The following LYST variants were observed in gnomAD, a reference collection of about 807,000 sequenced individuals.
LYST encodes lysosomal trafficking regulator.
Under a neutral mutation model 413.6 loss-of-function variants are expected in LYST, and 192 were observed. That is an observed-to-expected ratio of 0.46 (90% CI 0.41 to 0.52). The LOEUF (loss-of-function observed/expected upper bound fraction) is 0.52. Ranked by LOEUF, LYST falls within the 20% of genes least tolerant of loss-of-function variation. The pLI is 0.00. For synonymous variants in LYST, 1,525 were observed against 1,567.3 expected (o/e 0.97, Z 0.64); for missense variants, 3,815 against 4,499.9 (o/e 0.85, Z 4.35).
intron 1 of LYST, among the ~76,000 whole-genome samples, chr1:235,861,937 C>A (rs907301363): frequency 6.6e-6 from 1 of 152,198 alleles, no homozygotes; most frequent in African/African-American, 2.4e-5. Context: ...AACAATTAGG[C>A]TAATCCCTGC....
Position 235,697,436 on chromosome 1 carries a change from G to A in LYST, c.10375-164C>T, listed in dbSNP as rs13374325. ...TTTTTTTTACTTCCCCATGCTTAGC[G>A]TATAGAAATATTTGTCCCTTATTTG... is the stretch of plus-strand genomic sequence containing the variant. On this transcript the variant is annotated intron_variant, in intron 45 of 52. Transcript: ENST00000389793. Among the ~76,000 whole-genome samples the A allele has an allele frequency of 0.024, 3,657 of 152,080 alleles. 141 individuals are homozygous for A. The highest frequency in any genetic ancestry group is 0.083 in the African/African-American group (3,444 of 41,470).
chr1:235,691,987 C>T (rs113703365), intron 47 of LYST, among the ~76,000 whole-genome samples: 11,458 of 150,834 alleles, frequency 0.076, 1,409 homozygotes, highest in African/African-American at 0.26. Flanking sequence ...CGTGAGCCAC[C>T]ATGCCCAGCC....
At position 235,806,641 on chromosome 1, in the gene LYST, T is replaced by G. The variant is rs1193140802; in HGVS notation, c.2495A>C (p.Lys832Thr). The change falls in exon 6 of 53, where the codon AAA becomes ACA. Residue 832 changes from lysine (K) to threonine (T), a missense_variant. Lys to Thr is a moderately conservative substitution (Grantham distance 78). This residue lies in a region of LYST where 1,648 missense variants were observed against 1,810.3 expected (regional missense o/e 0.91). Coordinates refer to ENST00000389793, the MANE Select transcript of LYST (RefSeq NM_000081.4). ...TLIISLGEQQ[K>T]DASVPDIDGI... ...ATCAATATCTGGAACTGAGGCATCT[T>G]TCTGTTGCTCCCCTAGGCTGATTAT... The G allele has an allele frequency of 6.2e-7, 1 of 1,614,094 alleles. No homozygotes were observed. The highest frequency in any genetic ancestry group is 8.5e-7 in the Non-Finnish European group (1 of 1,179,952).
intron 22 of LYST, 117 bp from the exon 23 acceptor site, chr1:235,759,716 C>T: frequency 1.3e-6 from 1 of 741,472 alleles, no homozygotes; most frequent in Non-Finnish European, 2.3e-6. Flanking sequence ...TGTTAAAATC[C>T]ATATAGGTTA....
chr1:235,727,225 C>T (rs1048581541), intron 38 of LYST, among the ~76,000 whole-genome samples: 7 of 150,390 alleles, frequency 4.7e-5, no homozygotes, highest in South Asian at 4.2e-4. Context: ...TGGGTTCAAG[C>T]GATTCGCCTG....
chr1:235,827,771 T>C (rs1245428093), intron 3 of LYST: 2 of 923,404 alleles, frequency 2.2e-6, no homozygotes, highest in Admixed American at 6.2e-5. Context: ...ATATTTAACT[T>C]ATGACCTAAA....
intron 3 of LYST, chr1:235,827,536 T>C: frequency 1.0e-6 from 1 of 979,612 alleles, no homozygotes; most frequent in Non-Finnish European, 1.2e-6. Flanking sequence ...TATGATTTCA[T>C]CTTAAATGAT....
At chr1:235,702,699 G>C in intron 45 of LYST, 48 bp downstream of exon 45, 5 of 1,468,732 alleles carry the variant, frequency 3.4e-6, no homozygotes, top group Non-Finnish European at 4.8e-6. Context: ...GGCATCACAA[G>C]AGTCTAATCA....
rs757527428 is a variant in LYST, at chr1:235,770,257, A to C, written c.5825T>G (p.Leu1942Arg). The C allele has an allele frequency of 6.2e-7, 1 of 1,613,624 alleles. No individual in the cohort carries two copies. Among genetic ancestry groups the C allele is most frequent in the Admixed American group, 1.7e-5 (1 of 59,970 alleles). The change falls in exon 20 of 53, where the codon CTC becomes CGC. Residue 1942 changes from leucine to arginine, a missense_variant. Coordinates refer to ENST00000389793, the MANE Select transcript of LYST (RefSeq NM_000081.4). ...CTGCTGGTGGTGATCTGCTCTGATGAGGACTTCTAGAGCTGCTAGCAAAGT... is the reference window on the plus strand; with the variant it reads ...CTGCTGGTGGTGATCTGCTCTGATGCGGACTTCTAGAGCTGCTAGCAAAGT... Reference protein sequence around the residue: ...WETLLAALEVLIRADHHQQMF... With the variant: ...WETLLAALEVRIRADHHQQMF...
chr1:235,758,436 T>C (rs1409093173), intron 23 of LYST, among the ~76,000 whole-genome samples: 1 of 152,236 alleles, frequency 6.6e-6, no homozygotes, highest in Admixed American at 6.5e-5. Context: ...AGCTTTCTTC[T>C]GACTTCATCC....
In LYST at chr1:235,777,164, G is replaced by A. The variant is rs201117816; in HGVS notation, c.5359C>T (p.Pro1787Ser). The change falls in exon 17 of 53, where the codon CCT becomes TCT. Residue 1787 changes from proline to serine, a missense_variant. Coordinates refer to ENST00000389793, the MANE Select transcript of LYST (RefSeq NM_000081.4). ...GGTTGGAGATTCTTTAGATGATGAG[G>A]TTCTAATAAGATGCTCTGAACTTCT... ...SKEVQSILLE[P>S]HHLKNLQPTE... is the part of the protein sequence containing the mutation. 2 of 1,613,548 alleles carry A rather than the reference G, an allele frequency of 1.2e-6. No individual in the cohort carries two copies. The highest frequency in any genetic ancestry group is 1.7e-6 in the Non-Finnish European group (2 of 1,179,640).
intron 48 of LYST, among the ~76,000 whole-genome samples, chr1:235,677,854 T>C (rs978394608): frequency 1.3e-5 from 2 of 152,194 alleles, no homozygotes; most frequent in African/African-American, 2.4e-5. Flanking sequence ...CAAATATACA[T>C]GTATTTTTAT....
chr1:235,722,261 T>C (rs1422011034), intron 39 of LYST, among the ~76,000 whole-genome samples: 1 of 152,148 alleles, frequency 6.6e-6, no homozygotes, highest in Non-Finnish European at 1.5e-5. Context: ...TGGAAGGACT[T>C]TGCCTTTAAC....
intron 45 of LYST, among the ~76,000 whole-genome samples, chr1:235,699,502 A>C (rs998741889): frequency 6.6e-6 from 1 of 152,134 alleles, no homozygotes; most frequent in Non-Finnish European, 1.5e-5. Context: ...TGTTGGTTCC[A>C]TGTCTTTGCT....
Position 235,728,156 on chromosome 1 carries a change from G to C in LYST, c.9107-25C>G, listed in dbSNP as rs762914205. On this transcript the variant is annotated intron_variant, in intron 37 of 52. Transcript: ENST00000389793. ...CCTGCAGAAAGTAATTGGATATAAG[G>C]GTTTTAAAATGTATGTGCACACTAC... The C allele has an allele frequency of 1.7e-5, 26 of 1,565,790 alleles. No homozygotes were observed. The South Asian group carries it at 2.2e-4, about 13-fold the overall frequency.
At chr1:235,811,017 C>T (rs192230730) in intron 4 of LYST, among the ~76,000 whole-genome samples, 1 of 151,886 alleles carries the variant, frequency 6.6e-6, no homozygotes. Context: ...TGGTGGTGCA[C>T]GCCTGTAATC....
At chr1:235,788,957 C>A in intron 12 of LYST, 112 bp from the exon 13 acceptor site, 1 of 939,464 alleles carries the variant, frequency 1.1e-6, no homozygotes, top group South Asian at 1.4e-5. Context: ...AGGTTATCTA[C>A]CCAGAATGTC....
At chr1:235,882,291 C>G (rs1452292435) in intron 1 of LYST, among the ~76,000 whole-genome samples, 1 of 152,154 alleles carries the variant, frequency 6.6e-6, no homozygotes, top group East Asian at 1.9e-4. Context: ...ATTAGGAGAA[C>G]AGCAGGTAAT....
In LYST at chr1:235,810,075, C is replaced by G; in HGVS notation, c.743G>C (p.Ser248Thr). 3 of 1,613,996 alleles carry G rather than the reference C, an allele frequency of 1.9e-6. No individual in the cohort carries two copies. Among genetic ancestry groups the G allele is most frequent in the Non-Finnish European group, 2.5e-6 (3 of 1,179,906 alleles). Reference protein sequence around the residue: ...LSEPAALSVISNMNNSPFDLC... With the variant: ...LSEPAALSVITNMNNSPFDLC... Reference sequence around the variant, plus strand: ...GTCAAATGGAGAATTGTTCATGTTACTGATAACAGACAAGGCAGCTGGCTC... The same window carrying G: ...GTCAAATGGAGAATTGTTCATGTTAGTGATAACAGACAAGGCAGCTGGCTC... The change falls in exon 5 of 53, where the codon AGT becomes ACT. Residue 248 changes from serine (S) to threonine (T), a missense_variant. Ser to Thr is a moderately conservative substitution (Grantham distance 58). Coordinates refer to ENST00000389793, the MANE Select transcript of LYST (RefSeq NM_000081.4).
Sources: allele counts gnomAD v4.1 joint callset (sites outside exome capture counted in the v4.1 genomes callset), GRCh38; gene constraint gnomAD v4.1.1; regional missense constraint gnomAD v4.1.1; transcripts MANE v1.5; gene names NCBI Gene and HGNC (gene_info 2026-07-23, HGNC 2026-07-21).